Variants in ZC3H12B observed in about 807,000 individuals in gnomAD.
ZC3H12B encodes zinc finger CCCH-type containing 12B, also known as probable ribonuclease ZC3H12B.
Under a neutral mutation model 43.9 loss-of-function variants are expected in ZC3H12B, and 7 were observed. That is an observed-to-expected ratio of 0.16 (90% CI 0.09 to 0.30). The LOEUF is 0.30. Ranked by LOEUF, ZC3H12B falls within the 10% of genes least tolerant of loss-of-function variation. The probability of loss-of-function intolerance (pLI) is 1.00; values close to 1 mark genes in which losing one functional copy is unlikely to be tolerated. For synonymous variants in ZC3H12B, 222 were observed against 241.7 expected, an observed-to-expected ratio of 0.92 and a Z score of 0.76; for missense variants, 475 against 670.2, an observed-to-expected ratio of 0.71 and a Z score of 3.22.
chrX:65,070,257 T>A, the ZC3H12B span, among the ~76,000 whole-genome samples: 1 of 111,072 alleles, frequency 9.0e-6, no homozygotes, highest in African/African-American at 3.3e-5. Flanking sequence ...CTCCTGATGG[T>A]TATTTTTATT....
the ZC3H12B span, among the ~76,000 whole-genome samples, chrX:65,163,059 G>A: frequency 3.6e-5 from 4 of 111,767 alleles, no homozygotes; most frequent in Non-Finnish European, 7.5e-5. Context: ...CTGGGAGTCA[G>A]CAGTGGTGGC....
At chrX:65,329,642 G>A in the ZC3H12B span, among the ~76,000 whole-genome samples, 1 of 110,430 alleles carries the variant, frequency 9.1e-6, no homozygotes, top group African/African-American at 3.4e-5. Context: ...TGTCCTGAAT[G>A]GTATTGCCTA....
At chrX:65,370,300 G>A (rs1299954254) in intron 2 of ZC3H12B, among the ~76,000 whole-genome samples, 1 of 111,011 alleles carries the variant, frequency 9.0e-6, no homozygotes, top group Admixed American at 9.6e-5. Context: ...TTCATTTGAG[G>A]TCAGAGAATC....
At chrX:65,262,063 G>C in the ZC3H12B span, among the ~76,000 whole-genome samples, 2 of 110,396 alleles carry the variant, frequency 1.8e-5, no homozygotes, top group African/African-American at 6.6e-5. Flanking sequence ...CCTTTTTATA[G>C]GGTCTTTAAA....
At chrX:65,192,623 C>T in the ZC3H12B span, among the ~76,000 whole-genome samples, 2 of 111,566 alleles carry the variant, frequency 1.8e-5, no homozygotes, top group Non-Finnish European at 3.8e-5. Flanking sequence ...TTTTGTCCTT[C>T]ATTCTTTTGA....
At chrX:65,487,933 G>A (rs746268550), upstream of ZC3H12B, among the ~76,000 whole-genome samples, 4 of 111,594 alleles carry the variant, frequency 3.6e-5, no homozygotes, top group South Asian at 3.8e-4. Context: ...GTGCAGTGGC[G>A]CGATCTTGGC....
At chrX:65,266,610 T>A in the ZC3H12B span, among the ~76,000 whole-genome samples, 3 of 111,861 alleles carry the variant, frequency 2.7e-5, no homozygotes, top group Admixed American at 2.9e-4. Context: ...GTTGAATTGC[T>A]ACCTACCATA....
At chrX:65,486,374 G>T (rs770997926), upstream of ZC3H12B, among the ~76,000 whole-genome samples, 2 of 112,162 alleles carry the variant, frequency 1.8e-5, no homozygotes, top group South Asian at 3.7e-4. Flanking sequence ...CTTAGTTCTG[G>T]TTTATCTTTC....
the ZC3H12B span, among the ~76,000 whole-genome samples, chrX:65,136,742 G>A: frequency 7.2e-5 from 8 of 111,495 alleles, no homozygotes; most frequent in Admixed American, 1.9e-4. Flanking sequence ...CTCTCAACTC[G>A]TGAAGTCCCT....
chrX:65,144,717 T>C, the ZC3H12B span, among the ~76,000 whole-genome samples: 1 of 111,869 alleles, frequency 8.9e-6, no homozygotes, highest in Non-Finnish European at 1.9e-5. Flanking sequence ...TTCATCTTGA[T>C]TTCATTTTTG....
At chrX:65,453,396 ATATATAT>A (rs2067550858) in intron 3 of ZC3H12B, among the ~76,000 whole-genome samples, 8 of 88,498 alleles carry the variant, frequency 9.0e-5, no homozygotes, top group African/African-American at 3.3e-4. Context: ...ATATATATAT[ATATATAT>A]AAAATAGAAT....
chrX:65,137,082 C>T, the ZC3H12B span, among the ~76,000 whole-genome samples: 1 of 111,746 alleles, frequency 8.9e-6, no homozygotes, highest in Non-Finnish European at 1.9e-5. Context: ...TAGATTATTT[C>T]CGCTGAAAGA....
At position 65,400,761 on chromosome X, in the gene ZC3H12B, TGAAAA is replaced by T. The variant is rs779370034; in HGVS notation, n.407+2061_407+2065del. 4.5e-5 allele frequency among the ~76,000 whole-genome samples: 5 copies of T among 111,302 alleles called. 1 individual carries two copies. The East Asian group carries it at 8.5e-4, about 19-fold the overall frequency. On this transcript the variant is annotated intron_variant and non_coding_transcript_variant, in intron 3 of 5. Coordinates refer to the ZC3H12B transcript ENST00000617377. ...ATGTTCTAACACAAAGCACAGAAAA[TGAAAA>T]GAAGATTCAACAGCTTCATTTTTCA...
the ZC3H12B span, among the ~76,000 whole-genome samples, chrX:65,202,054 ATTATATGTAATATATATATTACAT>A: frequency 1.1e-5 from 1 of 87,487 alleles, no homozygotes; most frequent in Non-Finnish European, 2.2e-5. Flanking sequence ...TATAATATAT[ATTATATGTAATATATATATTACAT>A]ATAATATATG....
At chrX:65,136,759 G>T in the ZC3H12B span, among the ~76,000 whole-genome samples, 1 of 111,220 alleles carries the variant, frequency 9.0e-6, no homozygotes, top group East Asian at 2.8e-4. Flanking sequence ...CCCTAGTTAG[G>T]CTGCCTTATT....
chrX:65,332,750 CCTGTTATTAGATAACAGATAACATAATAT>C, the ZC3H12B span, among the ~76,000 whole-genome samples: 1 of 111,242 alleles, frequency 9.0e-6, no homozygotes. Context: ...GTTTTTGAAA[CCTGTTATTAGATAACAGATAACATAATAT>C]CTGTTATTAG....
chrX:65,099,113 G>T, the ZC3H12B span, among the ~76,000 whole-genome samples: 62 of 111,522 alleles, frequency 5.6e-4, no homozygotes, highest in African/African-American at 2.0e-3. Context: ...GGACTGGGTG[G>T]AACTAAACAC....
the ZC3H12B span, among the ~76,000 whole-genome samples, chrX:65,060,055 A>T: frequency 7.5e-5 from 8 of 107,042 alleles, no homozygotes. Context: ...TAGCATTGTT[A>T]TGTTGATTTT....
intron 3 of ZC3H12B, among the ~76,000 whole-genome samples, chrX:65,477,852 T>TGTGTGTGG (rs2068016249): frequency 9.1e-6 from 1 of 109,735 alleles, no homozygotes; most frequent in Admixed American, 9.8e-5. Context: ...TGTGTGTGTG[T>TGTGTGTGG]GTGTGTACAC....
Sources: allele counts gnomAD v4.1 joint callset (sites outside exome capture counted in the v4.1 genomes callset), GRCh38; gene constraint gnomAD v4.1.1; transcripts MANE v1.5; gene names NCBI Gene and HGNC (gene_info 2026-07-23, HGNC 2026-07-21).